Variants in NEDD9 observed in about 807,000 individuals in gnomAD.
The protein encoded by NEDD9 is neural precursor cell expressed, developmentally down-regulated 9.
In NEDD9, 26 loss-of-function variants were observed where a neutral mutation model predicts 76.6. That is an observed-to-expected ratio of 0.34 (90% CI 0.25 to 0.47). NEDD9 has a LOEUF of 0.47. NEDD9 is among the 20% of genes least tolerant of loss of function. The probability of loss-of-function intolerance (pLI) is 1.00; values close to 1 mark genes in which losing one functional copy is unlikely to be tolerated. For synonymous variants in NEDD9, 392 were observed against 414.2 expected (o/e 0.95, Z 0.65); for missense variants, 937 against 1,058.5 (o/e 0.89, Z 1.59).
rs765582318 is a variant in NEDD9 at position 11,185,525 on chromosome 6, T to C, written c.2142A>G (p.Gln714=). Residue 714 remains glutamine, a synonymous_variant, in exon 7 of 7, where the codon CAA becomes CAG. Transcript: ENST00000379446. ...GAAGGGAAATGAAATGGGTCTCACA[T>C]TGGTCATAGTAGAAGCACAGCAACT... ...DRQLLCFYYD[Q]CETHFISLLN... is the part of the protein sequence containing the mutation. 4 of 1,614,190 alleles carry C rather than the reference T, an allele frequency of 2.5e-6. No homozygotes were observed. The highest frequency in any genetic ancestry group is 2.7e-5 in the African/African-American group (2 of 75,046).
intron 6 of NEDD9, 43 bp from the exon 7 acceptor site, chr6:11,185,714 G>C (rs1757964042): frequency 1.9e-6 from 3 of 1,602,148 alleles, no homozygotes; most frequent in Non-Finnish European, 2.6e-6. Context: ...GCAAGGGAGT[G>C]TGTTGCAATG....
At chr6:11,352,654 T>A (rs775839462) in intron 1 of NEDD9, 1 of 152,234 alleles carries the variant, frequency 6.6e-6, no homozygotes, top group Non-Finnish European at 1.5e-5. Context: ...AGGCAAGTGA[T>A]TGAAACTCTT....
intron 3 of NEDD9, among the ~76,000 whole-genome samples, chr6:11,285,539 A>C (rs1261440170): frequency 6.6e-6 from 1 of 152,200 alleles, no homozygotes; most frequent in East Asian, 1.9e-4. Flanking sequence ...CAGCACAAAC[A>C]AAAAGCAAAA....
At chr6:11,302,553 G>A (rs147040605) in intron 3 of NEDD9, among the ~76,000 whole-genome samples, 11,804 of 152,162 alleles carry the variant, frequency 0.078, 589 homozygotes, top group Admixed American at 0.16. Flanking sequence ...GCCTGGTAGA[G>A]ACACAACAAA....
chr6:11,350,544 T>C (rs1762446140), intron 1 of NEDD9, among the ~76,000 whole-genome samples: 1 of 152,214 alleles, frequency 6.6e-6, no homozygotes. Context: ...ATCATCTGCT[T>C]TGGCAACTTC....
At chr6:11,356,496 C>A (rs894410330) in intron 1 of NEDD9, among the ~76,000 whole-genome samples, 2 of 152,174 alleles carry the variant, frequency 1.3e-5, no homozygotes, top group South Asian at 4.1e-4. Flanking sequence ...TTTGAGACAC[C>A]ATGTTCCCAT....
At chr6:11,314,784 C>T (rs1236933604) in intron 2 of NEDD9, among the ~76,000 whole-genome samples, 2 of 152,164 alleles carry the variant, frequency 1.3e-5, no homozygotes, top group Non-Finnish European at 1.5e-5. Flanking sequence ...GAGACCTGGG[C>T]TCGACTCTCA....
In NEDD9 at chr6:11,345,732, G is replaced by C. The variant is rs528334491; in HGVS notation, c.-213-11171C>G. On this transcript the variant is annotated intron_variant, in intron 1 of 3. Transcript: ENST00000397378. ...ACACTGGTAGAGGACTTTTCTCTGA[G>C]TAGAAAGTACATGACACATCATGCA... Among the ~76,000 whole-genome samples, 4 of 152,310 alleles carry C rather than the reference G, an allele frequency of 2.6e-5. No homozygotes were observed. In the East Asian group the frequency reaches 7.7e-4, roughly 29 times the overall value.
At chr6:11,229,537 C>T (rs1390260725) in intron 1 of NEDD9, among the ~76,000 whole-genome samples, 1 of 152,026 alleles carries the variant, frequency 6.6e-6, no homozygotes, top group Non-Finnish European at 1.5e-5. Flanking sequence ...GGAGCCTTCA[C>T]TGGGTAAGCA....
At chr6:11,296,647 C>CT (rs1760893849) in intron 3 of NEDD9, among the ~76,000 whole-genome samples, 2 of 129,386 alleles carry the variant, frequency 1.5e-5, no homozygotes, top group Non-Finnish European at 3.1e-5. Flanking sequence ...CCTTCCTTTC[C>CT]TTCCTTCCTT....
intron 2 of NEDD9, among the ~76,000 whole-genome samples, chr6:11,327,654 T>A (rs556890762): frequency 2.6e-5 from 4 of 152,126 alleles, no homozygotes; most frequent in African/African-American, 9.7e-5. Flanking sequence ...AGAAAGACGA[T>A]GGAAAGTGAA....
chr6:11,185,723 T>C (rs186351361), intron 6 of NEDD9, 52 bp from the exon 7 acceptor site: 1 of 1,598,574 alleles, frequency 6.3e-7, no homozygotes, highest in East Asian at 2.2e-5. Context: ...TGTGTTGCAA[T>C]GGAAATTCAC....
chr6:11,310,738 T>C (rs1761340324), intron 2 of NEDD9, among the ~76,000 whole-genome samples: 1 of 152,236 alleles, frequency 6.6e-6, no homozygotes, highest in Non-Finnish European at 1.5e-5. Flanking sequence ...TGTTTTTCAA[T>C]GTCTCTGGTT....
intron 3 of NEDD9, among the ~76,000 whole-genome samples, chr6:11,303,591 G>C (rs577003196): frequency 1.8e-4 from 27 of 152,220 alleles, no homozygotes; most frequent in African/African-American, 5.3e-4. Context: ...AAAACAGCAT[G>C]GTACTGGTAC....
At chr6:11,315,465 T>G (rs989932395) in intron 2 of NEDD9, among the ~76,000 whole-genome samples, 1 of 152,248 alleles carries the variant, frequency 6.6e-6, no homozygotes, top group Admixed American at 6.5e-5. Flanking sequence ...TCTTTCCATT[T>G]GTATAAAAGC....
At chr6:11,248,850 A>C in intron 3 of NEDD9, 1 of 336,000 alleles carries the variant, frequency 3.0e-6, no homozygotes, top group Non-Finnish European at 5.9e-6. Flanking sequence ...TCCCTACAGT[A>C]CTGGTATCTG....
chr6:11,313,825 T>C lies in NEDD9; in HGVS notation c.-152-7670A>G, dbSNP rs151290116. 1.9e-3 allele frequency among the ~76,000 whole-genome samples: 296 copies of C among 152,296 alleles called. 2 individuals are homozygous for C. Among genetic ancestry groups the C allele is most frequent in the African/African-American group, 6.6e-3 (274 of 41,558 alleles). On this transcript the variant is annotated intron_variant, in intron 2 of 3. Coordinates refer to the NEDD9 transcript ENST00000397378. ...TTTATTATTTTGGAAGTCACGGTAA[T>C]ATTTGTTTTTAAAAATTGTTTCATT...
intron 1 of NEDD9, among the ~76,000 whole-genome samples, chr6:11,349,839 T>G (rs1404609739): frequency 6.6e-6 from 1 of 152,136 alleles, no homozygotes; most frequent in East Asian, 1.9e-4. Context: ...AGTACCTGGG[T>G]CACCAAATAA....
At chr6:11,243,462 T>C (rs1411942165) in intron 3 of NEDD9, among the ~76,000 whole-genome samples, 1 of 152,200 alleles carries the variant, frequency 6.6e-6, no homozygotes, top group Non-Finnish European at 1.5e-5. Context: ...GCCTGTCCAG[T>C]GTGTGGCCTG....
Sources: allele counts gnomAD v4.1 joint callset (sites outside exome capture counted in the v4.1 genomes callset), GRCh38; gene constraint gnomAD v4.1.1; transcripts MANE v1.5; gene names NCBI Gene and HGNC (gene_info 2026-07-23, HGNC 2026-07-21).